Variants in NUBPL observed in about 807,000 individuals in gnomAD.
NUBPL encodes the protein NUBP iron-sulfur cluster assembly factor, mitochondrial, also known as iron-sulfur cluster transfer protein NUBPL.
NUBPL carries 31 observed loss-of-function variants against 45.7 expected under a neutral mutation model. The ratio of observed to expected loss-of-function variants is 0.68; its 90% CI spans 0.51 to 0.92. The LOEUF (loss-of-function observed/expected upper bound fraction) is 0.92. NUBPL is among the 40% of genes least tolerant of loss of function. The pLI, the probability that NUBPL is intolerant of heterozygous loss-of-function variation, is 0.00. For synonymous variants in NUBPL, 144 were observed against 140.9 expected (o/e 1.02, Z -0.15); for missense variants, 401 against 398.7 (o/e 1.01, Z -0.05).
rs544542352 is a variant in NUBPL, at chr14:31,681,419, T to C, written c.513+7845T>C. On this transcript the variant is annotated intron_variant, in intron 6 of 10. Transcript: ENST00000281081. Reference sequence around the variant, plus strand: ...CCTTATTTCTAATGTTAGTAATTTGTTTATTTTTCTCTTTTATTCTTGATT... The same window carrying C: ...CCTTATTTCTAATGTTAGTAATTTGCTTATTTTTCTCTTTTATTCTTGATT... 2.2e-4 allele frequency among the ~76,000 whole-genome samples: 33 copies of C among 152,014 alleles called. 1 individual carries two copies. The highest frequency in any genetic ancestry group is 2.0e-3 in the Admixed American group (30 of 15,290).
intron 6 of NUBPL, among the ~76,000 whole-genome samples, chr14:31,774,452 T>C (rs889535276): frequency 2.0e-5 from 3 of 152,240 alleles, no homozygotes; most frequent in African/African-American, 7.2e-5. Flanking sequence ...TTTGCACTTG[T>C]GTTCCCAGAA....
At chr14:31,734,788 G>A (rs1447684769) in intron 6 of NUBPL, among the ~76,000 whole-genome samples, 1 of 152,170 alleles carries the variant, frequency 6.6e-6, no homozygotes, top group African/African-American at 2.4e-5. Context: ...CTCAGTCACA[G>A]ATAAGGTTCC....
intron 6 of NUBPL, among the ~76,000 whole-genome samples, chr14:31,687,428 T>G (rs929500343): frequency 6.6e-6 from 1 of 152,232 alleles, no homozygotes; most frequent in Non-Finnish European, 1.5e-5. Context: ...TCAAAACTTA[T>G]GCATACAAAA....
chr14:31,600,938 TA>T (rs1170654683), intron 4 of NUBPL, among the ~76,000 whole-genome samples: 4 of 151,924 alleles, frequency 2.6e-5, no homozygotes, highest in African/African-American at 4.8e-5. Context: ...GTATAAGGTG[TA>T]AGGAAGGGAT....
At chr14:31,826,070 T>C (rs1348869947) in intron 7 of NUBPL, among the ~76,000 whole-genome samples, 1 of 152,116 alleles carries the variant, frequency 6.6e-6, no homozygotes, top group African/African-American at 2.4e-5. Context: ...AAAGTTCCAC[T>C]GATAGAGTTA....
At chr14:31,700,595 G>A (rs933653050) in intron 6 of NUBPL, among the ~76,000 whole-genome samples, 8 of 152,292 alleles carry the variant, frequency 5.3e-5, no homozygotes, top group South Asian at 2.1e-4. Context: ...GCAGGCCAGC[G>A]CGAGTTCCGG....
At chr14:31,676,456 T>G (rs544402136) in intron 6 of NUBPL, among the ~76,000 whole-genome samples, 2 of 148,120 alleles carry the variant, frequency 1.4e-5, no homozygotes, top group South Asian at 4.3e-4. Context: ...TAATAAAATG[T>G]TTTTTTTTTC....
intron 4 of NUBPL, among the ~76,000 whole-genome samples, chr14:31,649,024 G>T (rs914577044): frequency 6.6e-6 from 1 of 152,080 alleles, no homozygotes; most frequent in South Asian, 2.1e-4. Flanking sequence ...TGGACAGGAT[G>T]GTCTCGATTT....
intron 3 of NUBPL, among the ~76,000 whole-genome samples, chr14:31,570,390 A>G (rs948606373): frequency 6.6e-6 from 1 of 152,192 alleles, no homozygotes; most frequent in African/African-American, 2.4e-5. Context: ...GGACAAAAGG[A>G]AGACAAATGT....
chr14:31,685,270 A>G lies in NUBPL; in HGVS notation c.513+11696A>G, dbSNP rs537633196. On this transcript the variant is annotated intron_variant, in intron 6 of 10. Transcript: ENST00000281081. ...GGAGAACAAGGATTGAGATAGGGCA[A>G]GGGAATAATAGATGTTCGGTGGAAA... is the stretch of plus-strand genomic sequence containing the variant. Among the ~76,000 whole-genome samples, 5 of 152,352 alleles carry G rather than the reference A, an allele frequency of 3.3e-5. No individual in the cohort carries two copies. The South Asian group carries it at 6.2e-4, about 19-fold the overall frequency.
At chr14:31,695,317 T>C (rs767245001) in intron 6 of NUBPL, among the ~76,000 whole-genome samples, 10 of 151,682 alleles carry the variant, frequency 6.6e-5, no homozygotes, top group Admixed American at 1.3e-4. Context: ...AGTACTTATA[T>C]ATGCAGTTTT....
intron 6 of NUBPL, among the ~76,000 whole-genome samples, chr14:31,757,864 G>A (rs2038705646): frequency 6.6e-6 from 1 of 151,924 alleles, no homozygotes; most frequent in Admixed American, 6.6e-5. Flanking sequence ...TCTCTACCAT[G>A]CTTACCCAAG....
At chr14:31,626,116 A>T (rs1039347934) in intron 4 of NUBPL, among the ~76,000 whole-genome samples, 8 of 152,090 alleles carry the variant, frequency 5.3e-5, no homozygotes, top group Non-Finnish European at 1.0e-4. Context: ...ATCACCTTTT[A>T]TTACCTCCAC....
In NUBPL at chr14:31,840,151, C is replaced by T. The variant is rs117693770; in HGVS notation, c.694-6320C>T. On this transcript the variant is annotated intron_variant, in intron 8 of 10. Transcript: ENST00000281081. ...TCAGTTTACGAAAGAGATACCTGCA[C>T]TCACATGTTTACTGCAGCACTATTC... 6.7e-3 allele frequency among the ~76,000 whole-genome samples: 1,026 copies of T among 152,294 alleles called. 39 individuals carry two copies. The East Asian group carries it at 0.097, about 14-fold the overall frequency.
At chr14:31,603,187 A>T (rs2139571808) in intron 4 of NUBPL, among the ~76,000 whole-genome samples, 1 of 151,214 alleles carries the variant, frequency 6.6e-6, no homozygotes, top group South Asian at 2.1e-4. Flanking sequence ...GTAGTCCCTG[A>T]TATTCAGGGG....
At chr14:31,683,966 G>GT (rs35108854) in intron 6 of NUBPL, among the ~76,000 whole-genome samples, 114,509 of 152,070 alleles carry the variant, frequency 0.75, 48,192 homozygotes, top group East Asian at 0.99. Context: ...TGTTCTGTGA[G>GT]TAAGGTGGTT....
Position 31,561,509 on chromosome 14 carries a change from C to A in NUBPL, c.70C>A (p.Pro24Thr). 1 of 1,388,598 alleles carries A rather than the reference C, an allele frequency of 7.2e-7. No individual in the cohort carries two copies. Among genetic ancestry groups the A allele is most frequent in the Non-Finnish European group, 9.4e-7 (1 of 1,063,924 alleles). 86.0% of individuals were successfully genotyped at this position (1,388,598 alleles called of 1,614,324 possible). The change falls in exon 1 of 11, where the codon CCG (proline) becomes ACG (threonine). Residue 24 changes from proline to threonine, a missense_variant. Physicochemically the swap from Pro to Thr is conservative, Grantham distance 38. Transcript: ENST00000281081. The part of the protein sequence containing the change: ...SLRAGGGATA[P>T]LGGSRAMVCG... Reference sequence around the variant, plus strand: ...CCGGGCTGGTGGCGGGGCCACTGCCCCGCTTGGGGGAAGCCGAGCGATGGT... The same window carrying A: ...CCGGGCTGGTGGCGGGGCCACTGCCACGCTTGGGGGAAGCCGAGCGATGGT...
intron 6 of NUBPL, among the ~76,000 whole-genome samples, chr14:31,781,485 A>C (rs765081266): frequency 6.6e-6 from 1 of 152,224 alleles, no homozygotes; most frequent in Non-Finnish European, 1.5e-5. Context: ...CAGAGAAACT[A>C]GACAGTTCTC....
At chr14:31,589,495 G>T (rs1165854973) in intron 3 of NUBPL, among the ~76,000 whole-genome samples, 1 of 152,074 alleles carries the variant, frequency 6.6e-6, no homozygotes, top group African/African-American at 2.4e-5. Context: ...TCTTTTATAA[G>T]AATAATTCAG....
Sources: gnomAD v4.1 joint callset for allele counts (sites outside exome capture counted in the v4.1 genomes callset) on GRCh38, gnomAD v4.1.1 for gene constraint, MANE v1.5 for transcripts, NCBI Gene and HGNC (gene_info 2026-07-23, HGNC 2026-07-21) for gene names.